The following HDGFL2 variants were observed in gnomAD, a reference collection of about 807,000 sequenced individuals.
HDGFL2 encodes hepatoma-derived growth factor-related protein 2.
In HDGFL2, 36 loss-of-function variants were observed where a neutral mutation model predicts 77.1. That is an observed-to-expected ratio of 0.47 (90% confidence interval 0.36 to 0.62). The LOEUF is 0.62. Ranked by LOEUF, HDGFL2 falls within the 20% of genes least tolerant of loss-of-function variation. The probability of loss-of-function intolerance (pLI) is 0.00; values close to 1 mark genes in which losing one functional copy is unlikely to be tolerated. For missense variants in HDGFL2, 976 were observed against 973.4 expected, an observed-to-expected ratio of 1.00 and a Z score of -0.04; for synonymous variants, 463 against 413.1, an observed-to-expected ratio of 1.12 and a Z score of -1.46.
In HDGFL2 at chr19:4,482,131, C is replaced by T. The variant is rs201962199; in HGVS notation, c.289-6545C>T. Among the ~76,000 whole-genome samples, 60 of 143,780 alleles carry T rather than the reference C, an allele frequency of 4.2e-4. 1 individual carries two copies. In the East Asian group the frequency reaches 0.011, roughly 27 times the overall value. The allele number at this position is 143,780 out of a possible 152,430, so 94.3% of individuals were successfully genotyped here. A position where few individuals can be genotyped will look rare whatever the true frequency, so the allele number is the denominator to read the frequency against. On this transcript the variant is annotated intron_variant, in intron 3 of 15. Coordinates refer to ENST00000616600, the MANE Select transcript of HDGFL2 (RefSeq NM_001001520.3). The stretch of plus-strand genomic sequence containing the variant: ...CACTGCAAGCTCCACCTCCCAGGTT[C>T]GCGCCATTCTCCTGCCTCAGCCTCC...
chr19:4,498,925 G>A lies in HDGFL2; in HGVS notation c.1575+10G>A. On this transcript the variant is annotated intron_variant, in intron 13 of 15. Transcript: ENST00000616600. ...GGCCACCTTGAAGAAGGTATGGCGG[G>A]GGAATCAGAGGCGCAGGGTGCAGTC... 2 of 1,575,918 alleles carry A rather than the reference G, an allele frequency of 1.3e-6. No homozygotes were observed. The highest frequency in any genetic ancestry group is 1.7e-6 in the Non-Finnish European group (2 of 1,153,790).
rs144956653 is a variant in HDGFL2 at position 4,482,189 on chromosome 19, C to T, written c.289-6487C>T. Reference sequence around the variant, plus strand: ...CTGGAATTACAAGTGTGGCTTACTGCGCCCTGGCCTTGTTTTTTCTTTCTT... The same window carrying T: ...CTGGAATTACAAGTGTGGCTTACTGTGCCCTGGCCTTGTTTTTTCTTTCTT... On this transcript the variant is annotated intron_variant, in intron 3 of 15. Transcript: ENST00000616600. 2.4e-3 allele frequency among the ~76,000 whole-genome samples: 357 copies of T among 149,776 alleles called. 1 individual carries two copies. The highest frequency in any genetic ancestry group is 7.6e-3 in the African/African-American group (311 of 40,696).
chr19:4,478,046 C>T (rs1183407305), intron 3 of HDGFL2, among the ~76,000 whole-genome samples: 1 of 146,950 alleles, frequency 6.8e-6, no homozygotes, highest in East Asian at 2.0e-4. Flanking sequence ...TGCCACTGTA[C>T]TCCAGCCTGG....
chr19:4,495,433 A>T lies in HDGFL2; in HGVS notation c.1225-869A>T, dbSNP rs186189514. Among the ~76,000 whole-genome samples, 304 of 144,310 alleles carry T rather than the reference A, an allele frequency of 2.1e-3. 1 individual carries two copies. Among genetic ancestry groups the T allele is most frequent in the African/African-American group, 7.2e-3 (282 of 39,194 alleles). The allele number at this position is 144,310 out of a possible 152,430, so 94.7% of individuals were successfully genotyped here. A position where few individuals can be genotyped will look rare whatever the true frequency, so the allele number is the denominator to read the frequency against. Reference sequence around the variant, plus strand: ...AATAGGCTCCGAATGAAGGGAGGGGATCTACGAAGACTCCTGGGAGGGGAT... The same window carrying T: ...AATAGGCTCCGAATGAAGGGAGGGGTTCTACGAAGACTCCTGGGAGGGGAT... On this transcript the variant is annotated intron_variant, in intron 9 of 15. Transcript: ENST00000616600.
At chr19:4,479,053 A>G (rs1004029911) in intron 3 of HDGFL2, among the ~76,000 whole-genome samples, 3 of 150,750 alleles carry the variant, frequency 2.0e-5, no homozygotes, top group East Asian at 2.1e-4. Context: ...TGGGCCAGGC[A>G]TGGTGGCTCA....
At position 4,491,758 on chromosome 19, in the gene HDGFL2, C is replaced by G. The variant is rs374548765; in HGVS notation, c.607-6C>G. 3.1e-6 allele frequency: 5 copies of G among 1,613,876 alleles called. No homozygotes were observed. In the African/African-American group the frequency reaches 5.3e-5, roughly 17 times the overall value. Reference sequence around the variant, plus strand: ...GGCCCCAGTTCAGCTCACTTCTCTCCCCCAGGACTTCACACCTGAGAAGAA... The same window carrying G: ...GGCCCCAGTTCAGCTCACTTCTCTCGCCCAGGACTTCACACCTGAGAAGAA... On this transcript the variant is annotated splice_region_variant and splice_polypyrimidine_tract_variant and intron_variant, in intron 5 of 15. Transcript: ENST00000616600.
In HDGFL2 at chr19:4,491,774, C is replaced by G. The variant is rs1418227543; in HGVS notation, c.617C>G (p.Pro206Arg). The G allele has an allele frequency of 6.2e-7, 1 of 1,614,062 alleles. No individual in the cohort carries two copies. The highest frequency in any genetic ancestry group is 2.2e-5 in the East Asian group (1 of 44,874). ...ACTTCTCTCCCCCAGGACTTCACAC[C>G]TGAGAAGAAAGCAGCGGTCCGGGCG... Reference protein sequence around the residue: ...SEKTSDQDFTPEKKAAVRAPR... With the variant: ...SEKTSDQDFTREKKAAVRAPR... The change falls in exon 6 of 16, where the codon CCT becomes CGT. Residue 206 changes from proline to arginine, a missense_variant. By Grantham distance (103) the Pro-to-Arg change is moderately radical (BLOSUM62 -2). Around this residue, in one of 5 missense-constraint regions of HDGFL2, gnomAD observed 567 missense variants for 534.7 expected, o/e 1.06. Transcript: ENST00000616600.
intron 11 of HDGFL2, 131 bp downstream of exon 11, chr19:4,498,162 C>A: frequency 8.8e-7 from 1 of 1,135,888 alleles, no homozygotes; most frequent in Non-Finnish European, 1.3e-6. Context: ...GCCTGGCCGG[C>A]GGTGCCTCCA....
chr19:4,500,620 C>T lies in HDGFL2; in HGVS notation c.1790-571C>T, dbSNP rs190589091. 2.0e-4 allele frequency among the ~76,000 whole-genome samples: 31 copies of T among 152,270 alleles called. 1 individual carries two copies. Among genetic ancestry groups the T allele is most frequent in the Admixed American group, 2.0e-3 (30 of 15,298 alleles). ...GGACTACAGGCACCCAACACCACAC[C>T]AGGCTAATATTTTGTATTTTTTAGT... On this transcript the variant is annotated intron_variant, in intron 14 of 15. Transcript: ENST00000616600.
At chr19:4,472,638 G>A (rs1349834693) in intron 1 of HDGFL2, among the ~76,000 whole-genome samples, 1 of 150,928 alleles carries the variant, frequency 6.6e-6, no homozygotes, top group Non-Finnish European at 1.5e-5. Context: ...TGCGCCCTAG[G>A]GGTCTGGGGT....
At chr19:4,478,197 G>GTT (rs113038095) in intron 3 of HDGFL2, among the ~76,000 whole-genome samples, 13,667 of 140,342 alleles carry the variant, frequency 0.097, 831 homozygotes, top group South Asian at 0.21. Context: ...GGATGCTGCT[G>GTT]TTTTTTTTTT....
chr19:4,495,999 A>T (rs575803719), intron 9 of HDGFL2, among the ~76,000 whole-genome samples: 10 of 152,226 alleles, frequency 6.6e-5, no homozygotes, highest in South Asian at 6.2e-4. Context: ...CACTCCCTTC[A>T]TCACAGAAAG....
intron 4 of HDGFL2, among the ~76,000 whole-genome samples, chr19:4,490,594 C>A (rs945989984): frequency 3.9e-5 from 6 of 152,174 alleles, no homozygotes; most frequent in Admixed American, 6.5e-5. Flanking sequence ...GACCATTTCT[C>A]ACTATTTGGG....
chr19:4,501,139 G>T, intron 14 of HDGFL2, 52 bp from the exon 15 acceptor site: 2 of 1,609,082 alleles, frequency 1.2e-6, no homozygotes, highest in South Asian at 1.1e-5. Context: ...AAGGGTTCTG[G>T]GGTGCCCAGC....
chr19:4,490,175 C>T (rs1434899970), intron 4 of HDGFL2, among the ~76,000 whole-genome samples: 1 of 152,220 alleles, frequency 6.6e-6, no homozygotes, highest in South Asian at 2.1e-4. Flanking sequence ...GCATCCTCCA[C>T]CTCCCGGGTT....
rs775830245 is a variant in HDGFL2, at chr19:4,496,358, T to C, written c.1281T>C (p.Pro427=). Residue 427 remains proline (P), a synonymous_variant, in exon 10 of 16, where the codon CCT becomes CCC. Transcript: ENST00000616600. ...QSSSTEPARK[P]GQKEKRVRPE... is the part of the protein sequence containing the mutation. The stretch of plus-strand genomic sequence containing the variant: ...CAAGCACAGAGCCCGCCAGGAAACC[T>C]GGCCAGAAGGAGAAGAGAGTGCGGC... 54 of 1,613,920 alleles carry C rather than the reference T, an allele frequency of 3.3e-5. No homozygotes were observed. The Middle Eastern group carries it at 4.9e-4, about 15-fold the overall frequency.
At chr19:4,492,528 CTG>C (rs375534678) in intron 6 of HDGFL2, among the ~76,000 whole-genome samples, 3 of 151,372 alleles carry the variant, frequency 2.0e-5, no homozygotes, top group Admixed American at 6.6e-5. Flanking sequence ...GTTTGTGTGT[CTG>C]TGTGTGGTGT....
rs762306784 is a variant in HDGFL2, at chr19:4,498,909, G to A, written c.1569G>A (p.Leu523=). The change falls in exon 13 of 16, where the codon TTG becomes TTA. Residue 523 remains leucine, a synonymous_variant. Transcript: ENST00000616600. Reference sequence around the variant, plus strand: ...AGAACACAGACGTGGTGGCCACCTTGAAGAAGGTATGGCGGGGGAATCAGA... The same window carrying A: ...AGAACACAGACGTGGTGGCCACCTTAAAGAAGGTATGGCGGGGGAATCAGA... The part of the protein sequence containing the change: ...LQKNTDVVAT[L]KKIRRYKANK... 1.9e-5 allele frequency: 30 copies of A among 1,606,792 alleles called. No individual in the cohort carries two copies. The African/African-American group carries it at 3.5e-4, about 19-fold the overall frequency.
chr19:4,498,949 T>TA, intron 13 of HDGFL2, 34 bp downstream of exon 13: 4 of 1,474,994 alleles, frequency 2.7e-6, no homozygotes, highest in Non-Finnish European at 2.8e-6. Context: ...CAGGGTGCAG[T>TA]CGGGGGAGCT....
Sources: gnomAD v4.1 joint callset for allele counts (sites outside exome capture counted in the v4.1 genomes callset) on GRCh38, gnomAD v4.1.1 for gene constraint, gnomAD v4.1.1 regional missense constraint, MANE v1.5 for transcripts, NCBI Gene and HGNC (gene_info 2026-07-23, HGNC 2026-07-21) for gene names.